Variants in LHPP observed in about 807,000 individuals in gnomAD.
LHPP encodes hLHPP.
In LHPP, 24 loss-of-function variants were observed where a neutral mutation model predicts 30.3. The ratio of observed to expected loss-of-function variants is 0.79; its 90% confidence interval spans 0.57 to 1.11. LHPP has a LOEUF of 1.11. LHPP is among the 50% of genes most tolerant of loss of function. The pLI is 0.00. For missense variants in LHPP, 356 were observed against 367.2 expected (o/e 0.97, Z 0.25); for synonymous variants, 150 against 157.1 (o/e 0.95, Z 0.34).
chr10:124,585,388 G>A (rs2133995479), intron 6 of LHPP, among the ~76,000 whole-genome samples: 1 of 152,204 alleles, frequency 6.6e-6, no homozygotes, highest in Non-Finnish European at 1.5e-5. Context: ...GCCGAGGCGG[G>A]CAGATTGCCT....
At chr10:124,485,348 G>C (rs1953291622) in intron 2 of LHPP, among the ~76,000 whole-genome samples, 1 of 152,082 alleles carries the variant, frequency 6.6e-6, no homozygotes, top group African/African-American at 2.4e-5. Flanking sequence ...GCCAGCAGGA[G>C]AGGGAAGTGG....
At chr10:124,538,108 G>A (rs988588503) in intron 6 of LHPP, among the ~76,000 whole-genome samples, 14 of 151,784 alleles carry the variant, frequency 9.2e-5, no homozygotes, top group African/African-American at 2.7e-4. Context: ...GTCACCATGC[G>A]AGTCTCACCA....
At chr10:124,481,368 G>GCCCC (rs768586976) in intron 1 of LHPP, among the ~76,000 whole-genome samples, 2 of 124,170 alleles carry the variant, frequency 1.6e-5, no homozygotes, top group African/African-American at 6.0e-5. Flanking sequence ...TGGCTTATCT[G>GCCCC]CCCCCTTTTT....
At chr10:124,520,918 C>T (rs1954594682) in intron 6 of LHPP, among the ~76,000 whole-genome samples, 1 of 152,192 alleles carries the variant, frequency 6.6e-6, no homozygotes, top group Non-Finnish European at 1.5e-5. Flanking sequence ...TTTTTTATAT[C>T]GGCTGCATGT....
chr10:124,485,824 C>G (rs1434994417), intron 2 of LHPP, among the ~76,000 whole-genome samples: 1 of 152,178 alleles, frequency 6.6e-6, no homozygotes. Flanking sequence ...TCGTCTTAAA[C>G]TCCTGACCTC....
chr10:124,581,129 C>T (rs1033403292), intron 6 of LHPP, among the ~76,000 whole-genome samples: 6 of 152,032 alleles, frequency 3.9e-5, no homozygotes, highest in African/African-American at 1.5e-4. Context: ...TTTCCCTGTT[C>T]TAAATATTTT....
At chr10:124,468,865 G>C (rs780505683) in intron 1 of LHPP, among the ~76,000 whole-genome samples, 6 of 152,092 alleles carry the variant, frequency 3.9e-5, no homozygotes, top group Non-Finnish European at 7.4e-5. Flanking sequence ...TGTGGGGCTC[G>C]TGGCAGATGC....
chr10:124,527,420 C>T (rs1954769705), intron 6 of LHPP, among the ~76,000 whole-genome samples: 1 of 152,206 alleles, frequency 6.6e-6, no homozygotes. Context: ...TGCACAGGTT[C>T]CTCTGTGTCA....
chr10:124,557,872 C>CACAG (rs1326548003), intron 6 of LHPP, among the ~76,000 whole-genome samples: 1 of 152,070 alleles, frequency 6.6e-6, no homozygotes, highest in Non-Finnish European at 1.5e-5. Context: ...GTTGCCTGAA[C>CACAG]ACATGAGCCC....
At position 124,579,107 on chromosome 10, in the gene LHPP, A is replaced by G. The variant is rs144826017; in HGVS notation, c.717-34157A>G. Among the ~76,000 whole-genome samples, 454 of 152,308 alleles carry G rather than the reference A, an allele frequency of 3.0e-3. 1 individual carries two copies. The highest frequency in any genetic ancestry group is 0.016 in the South Asian group (79 of 4,826). ...TTCCCGGTTACCAGCAAGCAGATAC[A>G]TGTTGTAACGGGCTGAGAGTGGGTG... On this transcript the variant is annotated intron_variant, in intron 6 of 6. Coordinates refer to ENST00000368842, the MANE Select transcript of LHPP (RefSeq NM_022126.4).
intron 6 of LHPP, among the ~76,000 whole-genome samples, chr10:124,578,614 G>A (rs1490130382): frequency 6.6e-6 from 1 of 152,204 alleles, no homozygotes; most frequent in Non-Finnish European, 1.5e-5. Context: ...GGAGGGAGAG[G>A]GTTCAGGGAG....
intron 5 of LHPP, among the ~76,000 whole-genome samples, chr10:124,511,649 A>G (rs1164089490): frequency 1.3e-5 from 2 of 152,188 alleles, no homozygotes; most frequent in African/African-American, 2.4e-5. Flanking sequence ...TGTCGAGTCC[A>G]TGCCGAGTGG....
At chr10:124,598,635 G>GTCCATCCA (rs3083680) in intron 6 of LHPP, among the ~76,000 whole-genome samples, 2 of 150,804 alleles carry the variant, frequency 1.3e-5, no homozygotes, top group African/African-American at 2.4e-5. Flanking sequence ...CCATCCGTCC[G>GTCCATCCA]TCCATCCATC....
chr10:124,565,741 A>G (rs934335805), intron 6 of LHPP, among the ~76,000 whole-genome samples: 1 of 152,190 alleles, frequency 6.6e-6, no homozygotes, highest in Admixed American at 6.5e-5. Flanking sequence ...TCGTCCCAAC[A>G]TGCAGCTGGG....
At position 124,503,513 on chromosome 10, in the gene LHPP, G is replaced by A. The variant is rs1053110470; in HGVS notation, c.624+5385G>A. ...TGGGAATAATTCTTTTTTGTGGGTG[G>A]TATTCCCCCAAGTGGACGCTCTTTG... On this transcript the variant is annotated intron_variant, in intron 5 of 6. Coordinates refer to ENST00000368842, the MANE Select transcript of LHPP (RefSeq NM_022126.4). 7.2e-5 allele frequency among the ~76,000 whole-genome samples: 11 copies of A among 151,912 alleles called. 1 individual carries two copies. The highest frequency in any genetic ancestry group is 2.4e-4 in the African/African-American group (10 of 41,204).
intron 5 of LHPP, among the ~76,000 whole-genome samples, chr10:124,502,506 A>G (rs1440649588): frequency 6.6e-6 from 1 of 151,050 alleles, no homozygotes; most frequent in African/African-American, 2.5e-5. Flanking sequence ...CTGGGACTGC[A>G]GGCGCCCGCC....
At chr10:124,512,881 C>T (rs1954341792) in intron 5 of LHPP, among the ~76,000 whole-genome samples, 1 of 152,102 alleles carries the variant, frequency 6.6e-6, no homozygotes, top group South Asian at 2.1e-4. Context: ...TGGTCCCCTT[C>T]CCCCAGATGG....
intron 6 of LHPP, among the ~76,000 whole-genome samples, chr10:124,575,804 C>A (rs1474651456): frequency 6.6e-6 from 1 of 152,162 alleles, no homozygotes; most frequent in Non-Finnish European, 1.5e-5. Context: ...TCCCCCACAC[C>A]CTGACCCCCA....
intron 6 of LHPP, among the ~76,000 whole-genome samples, chr10:124,570,309 G>A (rs76425568): frequency 0.011 from 1,690 of 152,286 alleles, 27 homozygotes; most frequent in African/African-American, 0.038. Context: ...GGGTCCCTCT[G>A]GTTTAGCTCA....
Sources: allele counts gnomAD v4.1 joint callset (sites outside exome capture counted in the v4.1 genomes callset), GRCh38; gene constraint gnomAD v4.1.1; transcripts MANE v1.5; gene names NCBI Gene and HGNC (gene_info 2026-07-23, HGNC 2026-07-21).